Variants in ABI3BP observed in about 807,000 individuals in gnomAD.
ABI3BP encodes ABI family member 3 binding protein.
A neutral mutation model predicts 268.6 loss-of-function variants in ABI3BP; 216 were observed. That is an observed-to-expected ratio of 0.80 (90% confidence interval 0.72 to 0.90). The LOEUF is 0.90. ABI3BP is among the 40% of genes least tolerant of loss of function. The pLI is 0.00. For synonymous variants in ABI3BP, 730 were observed against 730.0 expected, an observed-to-expected ratio of 1.00 and a Z score of 0.00; for missense variants, 2,090 against 2,182.4, an observed-to-expected ratio of 0.96 and a Z score of 0.84.
Position 100,754,592 on chromosome 3 carries a change from A to G in ABI3BP, c.4930+20T>C, listed in dbSNP as rs936846063. 2 of 1,562,842 alleles carry G rather than the reference A, an allele frequency of 1.3e-6. No individual in the cohort carries two copies. Among genetic ancestry groups the G allele is most frequent in the Admixed American group, 1.9e-5 (1 of 52,736 alleles). ...TGGCCCTTTTACATCCTTTTTGGGA[A>G]TTACTGTTGATGTAATTACCTGATT... On this transcript the variant is annotated intron_variant, in intron 64 of 67. Coordinates refer to ENST00000471714, the MANE Select transcript of ABI3BP (RefSeq NM_001375547.2).
Position 100,816,715 on chromosome 3 carries a change from T to C in ABI3BP, c.3202A>G (p.Ser1068Gly), listed in dbSNP as rs1481994514. Residue 1068 changes from serine (S) to glycine (G), a missense_variant, in exon 43 of 68, where the codon AGT becomes GGT. By Grantham distance (56) the Ser-to-Gly change is moderately conservative. Coordinates refer to ENST00000471714, the MANE Select transcript of ABI3BP (RefSeq NM_001375547.2). The part of the protein sequence containing the change: ...RPRPRPKTTS[S>G]PEVPQNKSVS... The stretch of plus-strand genomic sequence containing the variant: ...GATTTGTTCTGAGGTACTTCAGGAC[T>C]TGATGTAGTTTTGGGTCTGGGACGG... 6.5e-7 allele frequency: 1 copy of C among 1,535,752 alleles called. No individual in the cohort carries two copies. The highest frequency in any genetic ancestry group is 8.7e-7 in the Non-Finnish European group (1 of 1,146,708).
At chr3:100,825,913 G>A (rs2098374491) in intron 34 of ABI3BP, 69 bp from the exon 35 acceptor site, 3 of 1,143,670 alleles carry the variant, frequency 2.6e-6, no homozygotes, top group East Asian at 2.6e-5. Flanking sequence ...ACATCAAAAC[G>A]TATCTTGCTT....
chr3:100,856,990 T>C lies in ABI3BP; in HGVS notation c.1286-5050A>G, dbSNP rs1560891689. On this transcript the variant is annotated intron_variant, in intron 14 of 67. Coordinates refer to ENST00000471714, the MANE Select transcript of ABI3BP (RefSeq NM_001375547.2). The stretch of plus-strand genomic sequence containing the variant: ...ACCGTAACTGAAGAGAGAGACTATG[T>C]GATATGATTTACCATCCTTGCTGTA... Among the ~76,000 whole-genome samples the C allele has an allele frequency of 2.0e-5, 3 of 152,294 alleles. No individual in the cohort carries two copies. The East Asian group carries it at 5.8e-4, about 29-fold the overall frequency.
Position 100,795,848 on chromosome 3 carries a change from A to G in ABI3BP, c.3821T>C (p.Leu1274Pro), listed in dbSNP as rs1391308999. Reference protein sequence around the residue: ...YPEVSQSEPVLQPVTFRFEPP... With the variant: ...YPEVSQSEPVPQPVTFRFEPP... ...CTCAAATCTAAAGGTAACAGGCTGC[A>G]GAACTATGCCAAAAGCAAGCCAAAG... The change falls in exon 53 of 68, where the codon CTG becomes CCG. Residue 1274 changes from leucine (L) to proline (P), a missense_variant. Leu to Pro is a moderately conservative substitution (Grantham distance 98). Transcript: ENST00000471714. The G allele has an allele frequency of 7.8e-7, 1 of 1,286,750 alleles. No homozygotes were observed. Among genetic ancestry groups the G allele is most frequent in the Admixed American group, 2.3e-5 (1 of 42,944 alleles). 79.7% of individuals were successfully genotyped at this position (1,286,750 alleles called of 1,614,324 possible).
intron 35 of ABI3BP, 24 bp from the exon 36 acceptor site, chr3:100,824,965 T>C (rs1169676415): frequency 3.9e-6 from 6 of 1,526,456 alleles, no homozygotes; most frequent in South Asian, 1.2e-5. Context: ...AAGCCTTGTG[T>C]TACTCTAGGT....
Position 100,788,635 on chromosome 3 carries a change from A to G in ABI3BP, c.4087+819T>C, listed in dbSNP as rs74948599. Among the ~76,000 whole-genome samples, 22 of 152,300 alleles carry G rather than the reference A, an allele frequency of 1.4e-4. No individual in the cohort carries two copies. The East Asian group carries it at 4.1e-3, about 28-fold the overall frequency. ...CACCTATCATGACACACAAAGTCAG[A>G]GAGAAATACACATGGTTATAGAAGA... On this transcript the variant is annotated intron_variant, in intron 56 of 67. Transcript: ENST00000471714.
intron 67 of ABI3BP, 102 bp downstream of exon 67, chr3:100,751,450 G>A (rs1306221133): frequency 5.5e-6 from 7 of 1,261,476 alleles, no homozygotes; most frequent in African/African-American, 3.1e-5. Context: ...TGGAGCAGTA[G>A]TACTATAGAA....
intron 3 of ABI3BP, among the ~76,000 whole-genome samples, chr3:100,900,382 G>C (rs1015979816): frequency 6.6e-6 from 1 of 152,194 alleles, no homozygotes; most frequent in Non-Finnish European, 1.5e-5. Context: ...TCACTTTGCA[G>C]ATGAAAAATA....
chr3:100,832,877 G>T (rs2152823456), intron 30 of ABI3BP, among the ~76,000 whole-genome samples: 1 of 152,280 alleles, frequency 6.6e-6, no homozygotes, highest in African/African-American at 2.4e-5. Context: ...AATTGTAGTT[G>T]GATCTTGGCT....
intron 1 of ABI3BP, among the ~76,000 whole-genome samples, chr3:100,939,605 A>G (rs1208212499): frequency 6.6e-6 from 1 of 152,124 alleles, no homozygotes; most frequent in Non-Finnish European, 1.5e-5. Flanking sequence ...GGTCACAGAC[A>G]TCAAGTACTT....
At chr3:100,754,537 A>C in intron 64 of ABI3BP, 75 bp downstream of exon 64, 1 of 1,434,778 alleles carries the variant, frequency 7.0e-7, no homozygotes, top group Non-Finnish European at 9.6e-7. Context: ...GGTTTCAAAC[A>C]AACTTCCTAC....
intron 21 of ABI3BP, among the ~76,000 whole-genome samples, chr3:100,841,544 TGA>T (rs1466634643): frequency 6.6e-6 from 1 of 152,010 alleles, no homozygotes. Context: ...AAGCACAGGC[TGA>T]GAGTATATCT....
chr3:100,910,110 G>C (rs1002839822), intron 2 of ABI3BP, among the ~76,000 whole-genome samples: 2 of 152,086 alleles, frequency 1.3e-5, no homozygotes, highest in Non-Finnish European at 2.9e-5. Flanking sequence ...TCCTTTGCGG[G>C]GACATGGATG....
At chr3:100,887,566 G>A (rs923655003) in intron 4 of ABI3BP, among the ~76,000 whole-genome samples, 30 of 152,116 alleles carry the variant, frequency 2.0e-4, no homozygotes, top group African/African-American at 6.7e-4. Flanking sequence ...TGAATTAATA[G>A]AATGAAATAG....
Position 100,838,271 on chromosome 3 carries a change from T to C in ABI3BP, c.2022A>G (p.Pro674=), listed in dbSNP as rs1197549023. 5.2e-6 allele frequency: 8 copies of C among 1,536,392 alleles called. No individual in the cohort carries two copies. The East Asian group carries it at 1.7e-4, about 33-fold the overall frequency. Residue 674 remains proline, a synonymous_variant, in exon 26 of 68, where the codon CCA becomes CCG. Coordinates refer to ENST00000471714, the MANE Select transcript of ABI3BP (RefSeq NM_001375547.2). ...TTTGGGGTTTAGGAAGTAATTGTTT[T>C]GGTGGTTTTGAACCTGAAGAAAATT... The part of the protein sequence containing the change: ...APQIQPGSKP[P]KQLLPKPQTT...
chr3:100,969,330 C>T (rs1291377849), intron 1 of ABI3BP, among the ~76,000 whole-genome samples: 4 of 152,154 alleles, frequency 2.6e-5, no homozygotes, highest in African/African-American at 9.7e-5. Context: ...ATATGTAGGG[C>T]TCTAGAGCTA....
chr3:100,918,440 G>T (rs985023190), intron 2 of ABI3BP, among the ~76,000 whole-genome samples: 1 of 151,936 alleles, frequency 6.6e-6, no homozygotes, highest in Non-Finnish European at 1.5e-5. Context: ...TAGCTGCTGG[G>T]AGTTTTCTCC....
chr3:100,754,896 A>C (rs1308164045), intron 63 of ABI3BP, among the ~76,000 whole-genome samples: 2 of 152,194 alleles, frequency 1.3e-5, no homozygotes, highest in African/African-American at 4.8e-5. Flanking sequence ...TGTTTGAGTA[A>C]GCATTAAGTT....
At chr3:100,909,106 C>T (rs2055013623) in intron 2 of ABI3BP, among the ~76,000 whole-genome samples, 1 of 152,126 alleles carries the variant, frequency 6.6e-6, no homozygotes, top group Non-Finnish European at 1.5e-5. Context: ...TAACAGCACG[C>T]ATCTACAACC....
Sources: allele counts gnomAD v4.1 joint callset (sites outside exome capture counted in the v4.1 genomes callset), GRCh38; gene constraint gnomAD v4.1.1; transcripts MANE v1.5; gene names NCBI Gene and HGNC (gene_info 2026-07-23, HGNC 2026-07-21).